MSRA: variants seen among roughly 807,000 people sequenced by gnomAD.
MSRA encodes the protein methionine sulfoxide reductase A, also known as mitochondrial peptide methionine sulfoxide reductase.
A neutral mutation model predicts 31.3 loss-of-function variants in MSRA; 54 were observed. That is an observed-to-expected ratio of 1.73 (90% CI 1.39 to 2.17). The LOEUF is 2.17. MSRA is among the 30% of genes most tolerant of loss of function. MSRA has a pLI of 0.00. For synonymous variants in MSRA, 169 were observed against 116.5 expected (o/e 1.45, Z -2.90); for missense variants, 507 against 300.9 (o/e 1.69, Z -5.07).
chr8:10,141,121 G>A (rs1802667915), intron 1 of MSRA, among the ~76,000 whole-genome samples: 1 of 152,172 alleles, frequency 6.6e-6, no homozygotes, highest in Non-Finnish European at 1.5e-5. Flanking sequence ...CTCACCAAAG[G>A]AAATTCATCT....
chr8:10,391,480 AT>A (rs1484678100), intron 5 of MSRA, among the ~76,000 whole-genome samples: 2 of 152,228 alleles, frequency 1.3e-5, no homozygotes, highest in Non-Finnish European at 2.9e-5. Context: ...TTGAACCAAA[AT>A]CATAATTTCA....
At chr8:10,244,291 G>C (rs372738073) in intron 2 of MSRA, among the ~76,000 whole-genome samples, 1 of 152,264 alleles carries the variant, frequency 6.6e-6, no homozygotes, top group African/African-American at 2.4e-5. Flanking sequence ...CAAAATGAAG[G>C]TTCTGTATTT....
At chr8:10,150,043 G>T (rs1334052709) in intron 1 of MSRA, among the ~76,000 whole-genome samples, 1 of 150,938 alleles carries the variant, frequency 6.6e-6, no homozygotes, top group Non-Finnish European at 1.5e-5. Flanking sequence ...GTTGGATTGG[G>T]GAAAAAGTGT....
intron 2 of MSRA, among the ~76,000 whole-genome samples, chr8:10,224,234 T>A (rs1023455217): frequency 1.3e-5 from 2 of 152,116 alleles, no homozygotes; most frequent in Non-Finnish European, 2.9e-5. Context: ...TAAACCAGAT[T>A]AAGAAAATTA....
chr8:10,422,697 T>C (rs961655072), intron 5 of MSRA, among the ~76,000 whole-genome samples: 20 of 152,146 alleles, frequency 1.3e-4, no homozygotes, highest in African/African-American at 4.3e-4. Context: ...AAGTGGAACG[T>C]GGTAGGGGCA....
intron 1 of MSRA, among the ~76,000 whole-genome samples, chr8:10,205,566 C>G (rs756553952): frequency 6.6e-6 from 1 of 151,996 alleles, no homozygotes; most frequent in Non-Finnish European, 1.5e-5. Context: ...GCTGGGCCAT[C>G]GACAGACCTT....
chr8:10,285,766 G>C (rs192030520), intron 3 of MSRA, among the ~76,000 whole-genome samples: 26 of 151,982 alleles, frequency 1.7e-4, no homozygotes, highest in East Asian at 7.7e-4. Context: ...TGCCTGGATT[G>C]TTTCAGTTCA....
At chr8:10,335,449 G>A (rs1444403423) in intron 5 of MSRA, among the ~76,000 whole-genome samples, 5 of 152,044 alleles carry the variant, frequency 3.3e-5, no homozygotes, top group South Asian at 2.1e-4. Flanking sequence ...TGAATGTTTC[G>A]AAAATTATCT....
At chr8:10,328,902 A>G (rs1802532170) in intron 5 of MSRA, among the ~76,000 whole-genome samples, 1 of 152,138 alleles carries the variant, frequency 6.6e-6, no homozygotes, top group South Asian at 2.1e-4. Context: ...TCATGGACTC[A>G]CTGTTGCCAC....
intron 1 of MSRA, among the ~76,000 whole-genome samples, chr8:10,170,042 A>ATT (rs59946635): frequency 0.068 from 6,158 of 90,060 alleles, 703 homozygotes; most frequent in African/African-American, 0.23. Flanking sequence ...CCTGGCTAAT[A>ATT]TTTTTTTTTT....
At chr8:10,293,792 A>T (rs1403680427) in intron 3 of MSRA, among the ~76,000 whole-genome samples, 1 of 150,592 alleles carries the variant, frequency 6.6e-6, no homozygotes, top group Non-Finnish European at 1.5e-5. Context: ...GGCTCCTGTG[A>T]GTCTCCTGAT....
At chr8:10,125,810 G>A (rs1234062171) in intron 1 of MSRA, among the ~76,000 whole-genome samples, 2 of 152,220 alleles carry the variant, frequency 1.3e-5, no homozygotes, top group Non-Finnish European at 2.9e-5. Flanking sequence ...ATGACCAGAA[G>A]TTCAATCACA....
intron 1 of MSRA, among the ~76,000 whole-genome samples, chr8:10,065,681 G>T (rs1330681766): frequency 1.3e-5 from 2 of 152,222 alleles, no homozygotes; most frequent in Non-Finnish European, 2.9e-5. Flanking sequence ...TCAGAATAAG[G>T]AGATTTATGA....
At chr8:10,161,794 C>T (rs918748609) in intron 1 of MSRA, among the ~76,000 whole-genome samples, 1 of 151,986 alleles carries the variant, frequency 6.6e-6, no homozygotes, top group Non-Finnish European at 1.5e-5. Flanking sequence ...AAGGCCACTT[C>T]AGCTTTGGAG....
chr8:10,264,799 C>T (rs989265314), intron 3 of MSRA, among the ~76,000 whole-genome samples: 3 of 152,160 alleles, frequency 2.0e-5, no homozygotes, highest in African/African-American at 7.2e-5. Flanking sequence ...ACTTGAGAGC[C>T]CAATGCGGAG....
At chr8:10,168,144 A>G (rs1805304825) in intron 1 of MSRA, among the ~76,000 whole-genome samples, 1 of 152,222 alleles carries the variant, frequency 6.6e-6, no homozygotes. Flanking sequence ...AATGGAGATA[A>G]TAAAAGTGTC....
intron 5 of MSRA, among the ~76,000 whole-genome samples, chr8:10,395,457 A>G (rs897645898): frequency 6.6e-6 from 1 of 152,200 alleles, no homozygotes; most frequent in Non-Finnish European, 1.5e-5. Context: ...TGGAAGAAAC[A>G]TTTAGCTGTA....
chr8:10,402,836 G>A (rs1017301229), intron 5 of MSRA, among the ~76,000 whole-genome samples: 1 of 152,208 alleles, frequency 6.6e-6, no homozygotes, highest in African/African-American at 2.4e-5. Flanking sequence ...TGAGATTTAA[G>A]CACAAAATTG....
At chr8:10,121,614 A>G (rs1364789762) in intron 1 of MSRA, among the ~76,000 whole-genome samples, 1 of 152,156 alleles carries the variant, frequency 6.6e-6, no homozygotes, top group East Asian at 1.9e-4. Flanking sequence ...TGTGATGAAC[A>G]TGAAGGGAAA....
Sources: allele counts gnomAD v4.1 joint callset (sites outside exome capture counted in the v4.1 genomes callset), GRCh38; gene constraint gnomAD v4.1.1; transcripts MANE v1.5; gene names NCBI Gene and HGNC (gene_info 2026-07-23, HGNC 2026-07-21).